Variants in ZFAND3 observed in about 807,000 individuals in gnomAD.
ZFAND3 encodes AN1-type zinc finger protein 3.
A neutral mutation model predicts 29.6 loss-of-function variants in ZFAND3; 10 were observed. The observed-to-expected ratio is 0.34, with a 90% CI of 0.21 to 0.57. ZFAND3 has a LOEUF of 0.57. ZFAND3 is among the 20% of genes least tolerant of loss of function. The pLI is 0.86. For missense variants in ZFAND3, 230 were observed against 304.5 expected (o/e 0.76, Z 1.82); for synonymous variants, 128 against 112.6 (o/e 1.14, Z -0.87).
intron 3 of ZFAND3, chr6:38,062,391 CTT>C (rs768174856): frequency 7.0e-5 from 10 of 142,168 alleles, no homozygotes; most frequent in Non-Finnish European, 3.1e-5. Context: ...TACTTAATTT[CTT>C]TTTTTTTTTT....
intron 5 of ZFAND3, among the ~76,000 whole-genome samples, chr6:38,118,260 A>T (rs1322155738): frequency 6.6e-6 from 1 of 152,180 alleles, no homozygotes; most frequent in African/African-American, 2.4e-5. Context: ...GGGCAGGGAC[A>T]CTGTGGATGG....
At position 37,962,394 on chromosome 6, in the gene ZFAND3, G is replaced by C. The variant is rs766358631; in HGVS notation, c.112+32395G>C. Among the ~76,000 whole-genome samples the C allele has an allele frequency of 3.3e-5, 5 of 152,310 alleles. No individual in the cohort carries two copies. The East Asian group carries it at 9.6e-4, about 29-fold the overall frequency. ...AAATCTAAGAGTTACTGGGCTTAAA[G>C]GGGAGGTAGAGATAGAGATAGGCAT... On this transcript the variant is annotated intron_variant, in intron 2 of 5. Transcript: ENST00000287218.
At chr6:37,864,294 G>A (rs1764544874) in intron 1 of ZFAND3, among the ~76,000 whole-genome samples, 1 of 151,988 alleles carries the variant, frequency 6.6e-6, no homozygotes, top group Non-Finnish European at 1.5e-5. Flanking sequence ...GTTAAGATTA[G>A]TGACAATTTA....
chr6:38,054,008 G>A (rs996058794), intron 2 of ZFAND3, among the ~76,000 whole-genome samples: 3 of 151,830 alleles, frequency 2.0e-5, no homozygotes, highest in African/African-American at 7.3e-5. Flanking sequence ...ACATAGGATA[G>A]GAGTCATTTA....
rs115203397 is a variant in ZFAND3, at chr6:38,021,760, T to A, written c.113-39833T>A. Among the ~76,000 whole-genome samples the A allele has an allele frequency of 4.5e-3, 686 of 152,306 alleles. 6 individuals are homozygous for A. Among genetic ancestry groups the A allele is most frequent in the African/African-American group, 0.016 (665 of 41,538 alleles). On this transcript the variant is annotated intron_variant, in intron 2 of 5. Coordinates refer to ENST00000287218, the MANE Select transcript of ZFAND3 (RefSeq NM_021943.3). ...GGCTGCTGTTATATAACCTTAGATTTCCTGGCTTGGTAGGGCTGTCCAAGA... is the reference window on the plus strand; with the variant it reads ...GGCTGCTGTTATATAACCTTAGATTACCTGGCTTGGTAGGGCTGTCCAAGA...
intron 2 of ZFAND3, among the ~76,000 whole-genome samples, chr6:38,045,354 A>G (rs531426187): frequency 1.3e-5 from 2 of 152,012 alleles, no homozygotes; most frequent in Non-Finnish European, 2.9e-5. Context: ...CTTCCAAAGT[A>G]GTGGGATTGC....
At chr6:38,121,891 T>G (rs1010269662) in intron 5 of ZFAND3, among the ~76,000 whole-genome samples, 1 of 152,198 alleles carries the variant, frequency 6.6e-6, no homozygotes, top group African/African-American at 2.4e-5. Flanking sequence ...AAGTAAATGC[T>G]CTGCTCCTCG....
intron 3 of ZFAND3, among the ~76,000 whole-genome samples, chr6:38,067,570 T>A (rs77438476): frequency 0.067 from 10,193 of 152,312 alleles, 411 homozygotes; most frequent in Non-Finnish European, 0.087. Context: ...GAATAAAACA[T>A]TTCTTTCTGC....
chr6:37,976,639 A>G (rs1315974414), intron 2 of ZFAND3, among the ~76,000 whole-genome samples: 1 of 152,042 alleles, frequency 6.6e-6, no homozygotes, highest in Non-Finnish European at 1.5e-5. Context: ...TTTATAAACA[A>G]AAGAGGTTTA....
chr6:37,893,509 G>A (rs1228845258), intron 1 of ZFAND3, among the ~76,000 whole-genome samples: 2 of 152,112 alleles, frequency 1.3e-5, no homozygotes, highest in African/African-American at 4.8e-5. Context: ...ATGACAGTCT[G>A]CCTTCAAGTG....
chr6:37,922,012 C>T (rs1051542850), intron 1 of ZFAND3, among the ~76,000 whole-genome samples: 5 of 151,574 alleles, frequency 3.3e-5, no homozygotes, highest in Admixed American at 2.6e-4. Context: ...CACAGTGAGC[C>T]GAGATCACAC....
chr6:38,139,126 A>T (rs949332594), intron 5 of ZFAND3, among the ~76,000 whole-genome samples: 1 of 152,214 alleles, frequency 6.6e-6, no homozygotes, highest in Admixed American at 6.5e-5. Context: ...AAAGTATTTT[A>T]AGAAACAGAA....
At chr6:37,916,475 C>T (rs766668783) in intron 1 of ZFAND3, among the ~76,000 whole-genome samples, 24 of 150,906 alleles carry the variant, frequency 1.6e-4, no homozygotes, top group African/African-American at 2.7e-4. Context: ...CAGGCTAACA[C>T]GGTGAAACGC....
intron 5 of ZFAND3, among the ~76,000 whole-genome samples, chr6:38,116,993 A>C (rs905310340): frequency 6.6e-6 from 1 of 152,210 alleles, no homozygotes; most frequent in Non-Finnish European, 1.5e-5. Flanking sequence ...CCTTAGAGCT[A>C]CATCTCACTG....
intron 2 of ZFAND3, among the ~76,000 whole-genome samples, chr6:38,051,472 C>G (rs1198094507): frequency 1.3e-5 from 2 of 152,216 alleles, no homozygotes; most frequent in Non-Finnish European, 2.9e-5. Context: ...CCAGCAGTTA[C>G]GTTCATGCCA....
rs66941014 is a variant in ZFAND3, at chr6:37,918,951, C to CTTTTTTTTTTTTT, written c.72-11000_72-10988dup. Reference sequence around the variant, plus strand: ...TGTGTTTTCAAAACATGAAAAATGCCTTTTTTTTTTTTTTTTTTTTGAGAC... The same window carrying CTTTTTTTTTTTTT: ...TGTGTTTTCAAAACATGAAAAATGCCTTTTTTTTTTTTTTTTTTTTTTTTTTTTTTTTTGAGAC... On this transcript the variant is annotated intron_variant, in intron 1 of 5. Transcript: ENST00000287218. Among the ~76,000 whole-genome samples, 484 of 104,672 alleles carry CTTTTTTTTTTTTT rather than the reference C, an allele frequency of 4.6e-3. 35 individuals carry two copies. The highest frequency in any genetic ancestry group is 5.4e-3 in the Non-Finnish European group (295 of 54,152). 68.7% of individuals were successfully genotyped at this position (104,672 alleles called of 152,430 possible).
chr6:37,993,371 G>A (rs1324242818), intron 2 of ZFAND3, among the ~76,000 whole-genome samples: 2 of 151,916 alleles, frequency 1.3e-5, no homozygotes, highest in Non-Finnish European at 2.9e-5. Context: ...CTGTCACCCA[G>A]GCTGGAGCGC....
chr6:37,906,700 G>GTT (rs5875602), intron 1 of ZFAND3, among the ~76,000 whole-genome samples: 2,127 of 143,874 alleles, frequency 0.015, 79 homozygotes, highest in East Asian at 0.14. Context: ...CTTACTTTCT[G>GTT]TTTTTTTTTT....
In ZFAND3 at chr6:38,048,428, T is replaced by A. The variant is rs111833897; in HGVS notation, c.113-13165T>A. Among the ~76,000 whole-genome samples the A allele has an allele frequency of 1.4e-3, 216 of 151,700 alleles. 1 individual carries two copies. The highest frequency in any genetic ancestry group is 4.3e-3 in the African/African-American group (180 of 41,390). ...CGAGGTCAGGAGATCGAGACCATCC[T>A]GGCTAACATGGTGAAACCCCGTCTC... On this transcript the variant is annotated intron_variant, in intron 2 of 5. Coordinates refer to ENST00000287218, the MANE Select transcript of ZFAND3 (RefSeq NM_021943.3).
Sources: allele counts gnomAD v4.1 joint callset (sites outside exome capture counted in the v4.1 genomes callset), GRCh38; gene constraint gnomAD v4.1.1; transcripts MANE v1.5; gene names NCBI Gene and HGNC (gene_info 2026-07-23, HGNC 2026-07-21).